RIMS1: variants seen among roughly 807,000 people sequenced by gnomAD.
RIMS1 encodes the protein regulating synaptic membrane exocytosis 1.
In RIMS1, 83 loss-of-function variants were observed where a neutral mutation model predicts 214.1. The observed-to-expected ratio is 0.39, with a 90% CI of 0.32 to 0.47. RIMS1 has a LOEUF of 0.47. Among genes scored for constraint, RIMS1 ranks in the 20% least tolerant of loss-of-function variants. The pLI, the probability that RIMS1 is intolerant of heterozygous loss-of-function variation, is 0.99. For synonymous variants in RIMS1, 793 were observed against 786.8 expected, an observed-to-expected ratio of 1.01 and a Z score of -0.13; for missense variants, 2,050 against 2,161.8, an observed-to-expected ratio of 0.95 and a Z score of 1.03.
At chr6:72,320,827 GACTTT>G (rs2096112684) in intron 28 of RIMS1, among the ~76,000 whole-genome samples, 1 of 151,822 alleles carries the variant, frequency 6.6e-6, no homozygotes, top group Non-Finnish European at 1.5e-5. Context: ...ACAGTTAATA[GACTTT>G]ATACTATGCT....
At chr6:72,099,346 A>G (rs1297164161) in intron 3 of RIMS1, among the ~76,000 whole-genome samples, 2 of 152,206 alleles carry the variant, frequency 1.3e-5, no homozygotes, top group African/African-American at 4.8e-5. Context: ...AAGGAACAAA[A>G]TAAAAGAAAG....
At chr6:72,296,885 A>C (rs1005533417) in intron 26 of RIMS1, among the ~76,000 whole-genome samples, 10 of 151,874 alleles carry the variant, frequency 6.6e-5, no homozygotes, top group Non-Finnish European at 1.2e-4. Flanking sequence ...TGTCAGTAGT[A>C]GACTACAAAC....
At chr6:72,236,488 A>G (rs1043986070) in intron 8 of RIMS1, among the ~76,000 whole-genome samples, 1 of 152,162 alleles carries the variant, frequency 6.6e-6, no homozygotes, top group Non-Finnish European at 1.5e-5. Context: ...TGATCTTGAC[A>G]ATGGGATATT....
chr6:72,005,783 A>C (rs992119929), intron 2 of RIMS1, among the ~76,000 whole-genome samples: 1 of 152,208 alleles, frequency 6.6e-6, no homozygotes, highest in Non-Finnish European at 1.5e-5. Flanking sequence ...CGATAGTTTG[A>C]TCTCTCCTGA....
chr6:71,973,531 A>G (rs1796408356), intron 2 of RIMS1, among the ~76,000 whole-genome samples: 1 of 152,124 alleles, frequency 6.6e-6, no homozygotes, highest in Non-Finnish European at 1.5e-5. Flanking sequence ...CCTGTGACCA[A>G]ATGCCCCTCT....
At chr6:71,963,437 G>A (rs190127774) in intron 1 of RIMS1, among the ~76,000 whole-genome samples, 29 of 152,170 alleles carry the variant, frequency 1.9e-4, no homozygotes, top group African/African-American at 5.8e-4. Context: ...ATATGTAGAA[G>A]TTCTTCTTAT....
intron 2 of RIMS1, among the ~76,000 whole-genome samples, chr6:71,999,368 T>C (rs1295764774): frequency 1.3e-5 from 2 of 152,178 alleles, no homozygotes; most frequent in African/African-American, 4.8e-5. Flanking sequence ...CTACTAGTGT[T>C]ATCAATACAC....
chr6:72,273,031 T>G (rs1160973147), intron 22 of RIMS1, among the ~76,000 whole-genome samples: 1 of 152,136 alleles, frequency 6.6e-6, no homozygotes, highest in African/African-American at 2.4e-5. Context: ...ATTTTTATCT[T>G]CTGCTCAAAA....
intron 29 of RIMS1, among the ~76,000 whole-genome samples, chr6:72,371,225 A>T: frequency 6.6e-6 from 1 of 152,070 alleles, no homozygotes; most frequent in East Asian, 1.9e-4. Flanking sequence ...ATGCAAATTT[A>T]TTTAATTGAT....
chr6:72,158,392 G>T (rs1450491764), intron 4 of RIMS1, among the ~76,000 whole-genome samples: 4 of 139,912 alleles, frequency 2.9e-5, no homozygotes, highest in South Asian at 2.4e-4. Context: ...TTTTATCTCT[G>T]GTTGTTTTAA....
intron 2 of RIMS1, among the ~76,000 whole-genome samples, chr6:72,025,453 T>A (rs1395294136): frequency 6.6e-6 from 1 of 152,202 alleles, no homozygotes; most frequent in African/African-American, 2.4e-5. Flanking sequence ...AAGCTAGTAG[T>A]TTGCAAAATA....
intron 1 of RIMS1, among the ~76,000 whole-genome samples, chr6:71,900,376 G>GT (rs1369334190): frequency 6.6e-6 from 1 of 152,024 alleles, no homozygotes; most frequent in Non-Finnish European, 1.5e-5. Flanking sequence ...ATGTTTTAGA[G>GT]TTTTTTCTTT....
At chr6:72,127,869 A>G (rs1373135387) in intron 4 of RIMS1, among the ~76,000 whole-genome samples, 1 of 152,240 alleles carries the variant, frequency 6.6e-6, no homozygotes, top group Non-Finnish European at 1.5e-5. Context: ...TTACGCTTAC[A>G]TACAACCAAG....
rs538423413 is a variant in RIMS1 at position 72,004,872 on chromosome 6, T to G, written c.245+35809T>G. Among the ~76,000 whole-genome samples the G allele has an allele frequency of 3.1e-3, 470 of 152,204 alleles. 1 individual carries two copies. Among genetic ancestry groups the G allele is most frequent in the East Asian group, 5.4e-3 (28 of 5,182 alleles). ...TTTGCTGTGCAGAAGCTCTTTAGTT[T>G]AATTAGATCCCATTTGTCAATTTTG... On this transcript the variant is annotated intron_variant, in intron 2 of 33. Coordinates refer to ENST00000521978, the MANE Select transcript of RIMS1 (RefSeq NM_014989.7).
chr6:72,123,531 A>G (rs1258094654), intron 4 of RIMS1, among the ~76,000 whole-genome samples: 2 of 151,702 alleles, frequency 1.3e-5, no homozygotes, highest in African/African-American at 2.4e-5. Flanking sequence ...TATCCTTGTT[A>G]ACTTTCTGTC....
intron 6 of RIMS1, 116 bp from the exon 7 acceptor site, chr6:72,233,657 G>A (rs894680467): frequency 5.1e-6 from 4 of 778,188 alleles, no homozygotes; most frequent in Non-Finnish European, 8.9e-6. Context: ...ATTCTGCGAT[G>A]TACACGCTCA....
At chr6:72,043,519 A>T (rs549854854) in intron 2 of RIMS1, among the ~76,000 whole-genome samples, 3 of 151,908 alleles carry the variant, frequency 2.0e-5, no homozygotes, top group African/African-American at 7.2e-5. Context: ...TTATGGCTAA[A>T]TCATTCATTG....
chr6:72,143,816 A>G (rs2042371585), intron 4 of RIMS1, among the ~76,000 whole-genome samples: 1 of 152,226 alleles, frequency 6.6e-6, no homozygotes, highest in Non-Finnish European at 1.5e-5. Context: ...TTCTGCTAGA[A>G]GCATTGCACT....
rs2060875791 is a variant in RIMS1, at chr6:72,228,247, C to A, written c.1679-5526C>A. ...CTAGACACAATTCTATACAGTAAAT[C>A]TCTAGGGTTTATTCATCTTGTATTA... On this transcript the variant is annotated intron_variant, in intron 6 of 33. Transcript: ENST00000521978. 2.0e-5 allele frequency among the ~76,000 whole-genome samples: 3 copies of A among 151,884 alleles called. No homozygotes were observed. The South Asian group carries it at 6.2e-4, about 31-fold the overall frequency.
Sources: gnomAD v4.1 joint callset for allele counts (sites outside exome capture counted in the v4.1 genomes callset) on GRCh38, gnomAD v4.1.1 for gene constraint, MANE v1.5 for transcripts, NCBI Gene and HGNC (gene_info 2026-07-23, HGNC 2026-07-21) for gene names.